Variants in DAB1 observed in about 807,000 individuals in gnomAD.
DAB1 encodes the protein DAB adaptor protein 1, also known as disabled homolog 1.
In DAB1, 15 loss-of-function variants were observed where a neutral mutation model predicts 64.6. The ratio of observed to expected loss-of-function variants is 0.23; its 90% confidence interval spans 0.16 to 0.36. The LOEUF (loss-of-function observed/expected upper bound fraction) is 0.36. Ranked by LOEUF, DAB1 falls within the 10% of genes least tolerant of loss-of-function variation. The probability of loss-of-function intolerance (pLI) is 1.00; values close to 1 mark genes in which losing one functional copy is unlikely to be tolerated. For missense variants in DAB1, 596 were observed against 706.7 expected (o/e 0.84, Z 1.78); for synonymous variants, 235 against 251.9 (o/e 0.93, Z 0.64).
intron 7 of DAB1, among the ~76,000 whole-genome samples, chr1:57,475,618 T>C (rs1643926066): frequency 6.6e-6 from 1 of 152,218 alleles, no homozygotes; most frequent in Non-Finnish European, 1.5e-5. Flanking sequence ...TAGGCAGCTC[T>C]GAGATGAGAA....
intron 2 of DAB1, among the ~76,000 whole-genome samples, chr1:57,217,132 T>C (rs1180579191): frequency 6.6e-6 from 1 of 152,184 alleles, no homozygotes; most frequent in African/African-American, 2.4e-5. Flanking sequence ...TTGAAAGAAC[T>C]GCCTAAGAAA....
At chr1:57,407,627 G>T (rs1683749666) in intron 1 of DAB1, among the ~76,000 whole-genome samples, 1 of 152,190 alleles carries the variant, frequency 6.6e-6, no homozygotes, top group African/African-American at 2.4e-5. Flanking sequence ...CCGAGGCCCA[G>T]AGAGTGAAGA....
intron 1 of DAB1, among the ~76,000 whole-genome samples, chr1:58,541,309 A>G (rs1440272718): frequency 1.7e-5 from 2 of 115,652 alleles, no homozygotes; most frequent in African/African-American, 7.3e-5. Flanking sequence ...AAAAAAAAAA[A>G]AAAAAAAAAA....
At chr1:57,428,299 A>T (rs1200655868), upstream of DAB1, among the ~76,000 whole-genome samples, 1 of 152,212 alleles carries the variant, frequency 6.6e-6, no homozygotes, top group African/African-American at 2.4e-5. Context: ...TTACCCTTTA[A>T]CCAAAATCCC....
chr1:58,296,195 GAGAAAGAAA>G (rs1661979333), intron 4 of DAB1, among the ~76,000 whole-genome samples: 1 of 93,508 alleles, frequency 1.1e-5, no homozygotes, highest in Non-Finnish European at 2.2e-5. Flanking sequence ...GAGAAAGAAA[GAGAAAGAAA>G]GAAAGAAAGA....
At chr1:57,850,234 C>A (rs1353194598) in intron 1 of DAB1, among the ~76,000 whole-genome samples, 1 of 152,172 alleles carries the variant, frequency 6.6e-6, no homozygotes, top group African/African-American at 2.4e-5. Context: ...CTCAGCTCAA[C>A]AATTTACAAA....
intron 2 of DAB1, among the ~76,000 whole-genome samples, chr1:57,234,880 T>C (rs1286686619): frequency 6.6e-6 from 1 of 152,244 alleles, no homozygotes; most frequent in Non-Finnish European, 1.5e-5. Context: ...TTTTCTAAAG[T>C]GACTCCCTCC....
intron 6 of DAB1, among the ~76,000 whole-genome samples, chr1:57,776,683 A>T (rs1649815534): frequency 6.6e-6 from 1 of 151,782 alleles, no homozygotes; most frequent in South Asian, 2.1e-4. Context: ...CTAACTTCAG[A>T]TAATATTATA....
chr1:57,223,668 T>C (rs1274984596), intron 2 of DAB1, among the ~76,000 whole-genome samples: 4 of 152,210 alleles, frequency 2.6e-5, no homozygotes, highest in African/African-American at 7.2e-5. Flanking sequence ...CCTTGCAGTA[T>C]GGCAGAACCA....
chr1:57,849,572 T>C (rs887966445), intron 1 of DAB1, among the ~76,000 whole-genome samples: 1 of 152,136 alleles, frequency 6.6e-6, no homozygotes, highest in Non-Finnish European at 1.5e-5. Context: ...CTTGAGAAAC[T>C]TTCCCACTTT....
chr1:57,919,890 T>C (rs529658502), intron 5 of DAB1, among the ~76,000 whole-genome samples: 3 of 152,332 alleles, frequency 2.0e-5, no homozygotes, highest in East Asian at 1.9e-4. Flanking sequence ...CTTGGATTTA[T>C]ATTGAAAACA....
chr1:58,408,737 G>C (rs1039694840), intron 3 of DAB1, among the ~76,000 whole-genome samples: 9 of 152,194 alleles, frequency 5.9e-5, no homozygotes, highest in African/African-American at 1.9e-4. Flanking sequence ...GGAGGAAAAG[G>C]TTTTCTGAGA....
At chr1:57,371,753 G>A (rs1047439320) in intron 1 of DAB1, among the ~76,000 whole-genome samples, 2 of 152,158 alleles carry the variant, frequency 1.3e-5, no homozygotes, top group African/African-American at 4.8e-5. Context: ...GTAGAACATT[G>A]AAGATCTTTG....
intron 5 of DAB1, among the ~76,000 whole-genome samples, chr1:57,971,507 C>T (rs1645795184): frequency 6.6e-6 from 1 of 152,200 alleles, no homozygotes; most frequent in African/African-American, 2.4e-5. Context: ...AGCAATTCCA[C>T]TTGCCAGCTT....
At chr1:58,095,024 C>T (rs1650896881) in intron 5 of DAB1, among the ~76,000 whole-genome samples, 1 of 152,148 alleles carries the variant, frequency 6.6e-6, no homozygotes, top group African/African-American at 2.4e-5. Flanking sequence ...TTGCAACTGC[C>T]CAACTCTGTC....
chr1:57,482,477 TA>T (rs918167439), intron 7 of DAB1, among the ~76,000 whole-genome samples: 3,001 of 61,182 alleles, frequency 0.049, 51 homozygotes, highest in African/African-American at 0.1. Flanking sequence ...CTGAAAGTTG[TA>T]AAAAAAAAAA....
chr1:57,228,106 A>G (rs1667407208), intron 2 of DAB1, among the ~76,000 whole-genome samples: 1 of 152,218 alleles, frequency 6.6e-6, no homozygotes, highest in South Asian at 2.1e-4. Context: ...TGAAGTGCCT[A>G]TAATAGGGCC....
intron 2 of DAB1, among the ~76,000 whole-genome samples, chr1:57,155,800 T>G (rs559907271): frequency 3.3e-5 from 5 of 151,504 alleles, no homozygotes; most frequent in Admixed American, 3.3e-4. Context: ...TTTTATTAGA[T>G]TGCCTTTATT....
At chr1:57,539,659 G>A (rs1644777388) in intron 7 of DAB1, among the ~76,000 whole-genome samples, 1 of 152,220 alleles carries the variant, frequency 6.6e-6, no homozygotes, top group South Asian at 2.1e-4. Flanking sequence ...TCTGCCAAAG[G>A]GGGAAATCTA....
Sources: gnomAD v4.1 joint callset for allele counts (sites outside exome capture counted in the v4.1 genomes callset) on GRCh38, gnomAD v4.1.1 for gene constraint, MANE v1.5 for transcripts, NCBI Gene and HGNC (gene_info 2026-07-23, HGNC 2026-07-21) for gene names.